The following KANSL1L variants were observed in gnomAD, a reference collection of about 807,000 sequenced individuals.
KANSL1L encodes the protein KAT8 regulatory NSL complex subunit 1-like protein.
Under a neutral mutation model 108.6 loss-of-function variants are expected in KANSL1L, and 25 were observed. That is an observed-to-expected ratio of 0.23 (90% CI 0.17 to 0.32). The LOEUF is 0.32. KANSL1L is among the 10% of genes least tolerant of loss of function. The probability of loss-of-function intolerance (pLI) is 1.00; values close to 1 mark genes in which losing one functional copy is unlikely to be tolerated. For missense variants in KANSL1L, 1,137 were observed against 1,125.7 expected (o/e 1.01, Z -0.14); for synonymous variants, 405 against 395.1 (o/e 1.03, Z -0.30).
Position 210,044,408 on chromosome 2 carries a change from C to T in KANSL1L, c.1756-304G>A, listed in dbSNP as rs1171389079. Among the ~76,000 whole-genome samples, 1 of 151,682 alleles carries T rather than the reference C, an allele frequency of 6.6e-6. No individual in the cohort carries two copies. Among genetic ancestry groups the T allele is most frequent in the East Asian group, 1.9e-4 (1 of 5,176 alleles). ...TAAACATACTAGCTGGGAATGATAA[C>T]TGTAATTTTTTTCCTTCAATCCTAC... On this transcript the variant is annotated intron_variant, in intron 6 of 14. Transcript: ENST00000281772. This position sits in a 1 kb window ranked among gnomAD's most constrained non-coding sequence, Gnocchi z 4.2.
intron 7 of KANSL1L, 24 bp from the exon 8 acceptor site, chr2:210,040,551 T>G (rs751732236): frequency 9.3e-7 from 1 of 1,072,232 alleles, no homozygotes; most frequent in African/African-American, 1.6e-5. Context: ...ATAAAAAAGG[T>G]ATTTTCAAAT....
At chr2:210,153,278 C>T (rs770461552) in intron 2 of KANSL1L, 4 of 405,528 alleles carry the variant, frequency 9.9e-6, no homozygotes, top group East Asian at 4.5e-5. Context: ...TGTTTGAACC[C>T]GGGAGGCGGA....
intron 3 of KANSL1L, 90 bp downstream of exon 3, chr2:210,128,941 C>A: frequency 2.8e-6 from 3 of 1,081,544 alleles, no homozygotes; most frequent in South Asian, 1.9e-5. Context: ...TTTTATAAAA[C>A]CTTGTAACAA....
chr2:210,129,229 C>T, intron 2 of KANSL1L, 57 bp from the exon 3 acceptor site: 2 of 1,460,938 alleles, frequency 1.4e-6, no homozygotes, highest in South Asian at 1.4e-5. Flanking sequence ...GTTTCACAAA[C>T]ACTGCTTAAT....
rs2093884060 is a variant in KANSL1L at position 210,023,168 on chromosome 2, C to T, written c.2745G>A (p.Trp915Ter). 1.2e-6 allele frequency: 2 copies of T among 1,613,852 alleles called. No individual in the cohort carries two copies. The highest frequency in any genetic ancestry group is 8.5e-7 in the Non-Finnish European group (1 of 1,179,826). ...CCTTCAGTGGAAAAGCCCGTCGTTC[C>T]CACCACAAAGACTGAAAGGGGAAAA... Reference protein sequence around the residue: ...NQSQETKSLWWERRAFPLKGE... With the variant: ...NQSQETKSLW The change falls in exon 15 of 15, where the codon TGG becomes TGA. Residue 915 changes from tryptophan (W) to a stop codon, truncating the protein, a stop_gained. Coordinates refer to ENST00000281772, the MANE Select transcript of KANSL1L (RefSeq NM_152519.4). LOFTEE classifies it high-confidence loss of function.
At chr2:210,108,981 A>C (rs2094878028) in intron 3 of KANSL1L, among the ~76,000 whole-genome samples, 2 of 152,146 alleles carry the variant, frequency 1.3e-5, no homozygotes, top group Admixed American at 1.3e-4. Context: ...GTCATTCCTG[A>C]AAATGATCAT....
intron 1 of KANSL1L, among the ~76,000 whole-genome samples, chr2:210,159,318 G>A (rs996786624): frequency 2.0e-5 from 3 of 152,132 alleles, no homozygotes; most frequent in African/African-American, 4.8e-5. Context: ...TAAGATGGCT[G>A]GCTCCCTCAC....
intron 7 of KANSL1L, among the ~76,000 whole-genome samples, chr2:210,041,932 G>A (rs912846718): frequency 1.3e-5 from 2 of 152,148 alleles, no homozygotes; most frequent in Non-Finnish European, 2.9e-5. Context: ...AAAATTAGGT[G>A]ACAAAATGAA....
chr2:210,140,268 G>T (rs890330528), intron 2 of KANSL1L, among the ~76,000 whole-genome samples: 1 of 152,056 alleles, frequency 6.6e-6, no homozygotes, highest in Non-Finnish European at 1.5e-5. Context: ...CATCAATGTC[G>T]AGAAGCTTTT....
intron 5 of KANSL1L, among the ~76,000 whole-genome samples, chr2:210,094,091 A>T (rs2094715591): frequency 6.6e-6 from 1 of 152,128 alleles, no homozygotes; most frequent in African/African-American, 2.4e-5. Flanking sequence ...GTGGATATAG[A>T]GTTTCAGTTT....
intron 1 of KANSL1L, among the ~76,000 whole-genome samples, chr2:210,164,792 A>G (rs555084393): frequency 6.6e-6 from 1 of 151,662 alleles, no homozygotes; most frequent in South Asian, 2.1e-4. Context: ...AATAGGTAAC[A>G]GTTCTAGATA....
At position 210,024,206 on chromosome 2, in the gene KANSL1L, C is replaced by G. The variant is rs747126294; in HGVS notation, c.2565-5G>C. Reference sequence around the variant, plus strand: ...TCAACATTTTTACTGTAAGCTCTAGCAAGAAAATCAGGAAAACACAATTAT... The same window carrying G: ...TCAACATTTTTACTGTAAGCTCTAGGAAGAAAATCAGGAAAACACAATTAT... On this transcript the variant is annotated splice_region_variant and splice_polypyrimidine_tract_variant and intron_variant, in intron 13 of 14. Transcript: ENST00000281772. 1 of 1,547,308 alleles carries G rather than the reference C, an allele frequency of 6.5e-7. No homozygotes were observed. The highest frequency in any genetic ancestry group is 2.4e-5 in the East Asian group (1 of 42,050).
chr2:210,127,447 CTT>C (rs1375676253), intron 3 of KANSL1L, among the ~76,000 whole-genome samples: 1 of 152,028 alleles, frequency 6.6e-6, no homozygotes, highest in Non-Finnish European at 1.5e-5. Flanking sequence ...ACAAATGGGA[CTT>C]CAGAAAAATT....
intron 2 of KANSL1L, among the ~76,000 whole-genome samples, chr2:210,130,980 A>C (rs1321427102): frequency 6.6e-6 from 1 of 152,108 alleles, no homozygotes; most frequent in Non-Finnish European, 1.5e-5. Context: ...GTGATCTCTA[A>C]ATATTTCACG....
At chr2:210,033,552 C>T (rs1248183199) in intron 8 of KANSL1L, among the ~76,000 whole-genome samples, 3 of 152,084 alleles carry the variant, frequency 2.0e-5, no homozygotes, top group African/African-American at 4.8e-5. Flanking sequence ...TTTTTTGAGA[C>T]GGAGTCTCGC....
rs146756082 is a variant in KANSL1L, at chr2:210,157,493, G to A, written c.-29-2882C>T. ...AAGGATTGCTGGAGCCCTGGAGTTC[G>A]AGACCAGCCTGGGCAACATAAGGAG... On this transcript the variant is annotated intron_variant, in intron 1 of 14. Transcript: ENST00000281772. Among the ~76,000 whole-genome samples, 970 of 151,650 alleles carry A rather than the reference G, an allele frequency of 6.4e-3. 10 individuals are homozygous for A. The highest frequency in any genetic ancestry group is 0.023 in the African/African-American group (936 of 41,372).
At chr2:210,160,776 CA>C (rs2095357196) in intron 1 of KANSL1L, among the ~76,000 whole-genome samples, 1 of 152,148 alleles carries the variant, frequency 6.6e-6, no homozygotes, top group South Asian at 2.1e-4. Flanking sequence ...CTTGGCAGGA[CA>C]TTTTGCTGAT....
At chr2:210,068,176 G>A (rs2094480932) in intron 6 of KANSL1L, among the ~76,000 whole-genome samples, 1 of 152,180 alleles carries the variant, frequency 6.6e-6, no homozygotes, top group South Asian at 2.1e-4. Flanking sequence ...GCGCCCGGCT[G>A]CATATTTTTT....
At chr2:210,161,991 A>G (rs560024665) in intron 1 of KANSL1L, among the ~76,000 whole-genome samples, 5 of 151,044 alleles carry the variant, frequency 3.3e-5, no homozygotes, top group African/African-American at 1.2e-4. Context: ...TTGGGAGGCC[A>G]AGGCGGGAGG....
Sources: allele counts gnomAD v4.1 joint callset (sites outside exome capture counted in the v4.1 genomes callset), GRCh38; gene constraint gnomAD v4.1.1; non-coding constraint Gnocchi (gnomAD v3.1); transcripts MANE v1.5; gene names NCBI Gene and HGNC (gene_info 2026-07-23, HGNC 2026-07-21).